PDE11A: variants seen among roughly 807,000 people sequenced by gnomAD.
PDE11A encodes the protein phosphodiesterase 11A, also known as dual 3',5'-cyclic-AMP and -GMP phosphodiesterase 11A.
Under a neutral mutation model 100.5 loss-of-function variants are expected in PDE11A, and 100 were observed. The ratio of observed to expected loss-of-function variants is 1.00; its 90% CI spans 0.85 to 1.18. The LOEUF (loss-of-function observed/expected upper bound fraction) is 1.18, where lower values mean the gene tolerates loss of function less well. Among genes scored for constraint, PDE11A ranks in the 50% most tolerant of loss-of-function variants. PDE11A has a pLI of 0.00. For synonymous variants in PDE11A, 381 were observed against 420.8 expected (o/e 0.91, Z 1.16); for missense variants, 1,141 against 1,152.6 (o/e 0.99, Z 0.15).
At chr2:178,067,530 G>T (rs1159222790) in intron 1 of PDE11A, among the ~76,000 whole-genome samples, 7 of 151,992 alleles carry the variant, frequency 4.6e-5, no homozygotes, top group Admixed American at 2.0e-4. Context: ...CTATTTTGTT[G>T]GACTTGGAAT....
intron 2 of PDE11A, among the ~76,000 whole-genome samples, chr2:177,979,464 T>A (rs1246353047): frequency 6.6e-6 from 1 of 150,456 alleles, no homozygotes; most frequent in African/African-American, 2.4e-5. Flanking sequence ...TGGTGGTTTG[T>A]CTATATAGCA....
intron 2 of PDE11A, among the ~76,000 whole-genome samples, chr2:177,914,807 A>C (rs926951867): frequency 3.9e-5 from 6 of 152,106 alleles, no homozygotes; most frequent in African/African-American, 1.4e-4. Context: ...ATACATTCAC[A>C]TTATTTCCTC....
chr2:177,905,181 G>C lies in PDE11A; in HGVS notation c.1078C>G (p.Gln360Glu). 6.3e-7 allele frequency: 1 copy of C among 1,580,276 alleles called. No homozygotes were observed. The highest frequency in any genetic ancestry group is 1.1e-5 in the South Asian group (1 of 90,488). ...PFTEDDEKVM[Q>E]MYLPFCGIAI... Reference sequence around the variant, plus strand: ...ATTCCACAAAATGGAAGATACATCTGCATAACCTGGGACAAAGAGAGTAGT... The same window carrying C: ...ATTCCACAAAATGGAAGATACATCTCCATAACCTGGGACAAAGAGAGTAGT... The change falls in exon 3 of 20, where the codon CAG (glutamine) becomes GAG (glutamate). Residue 360 changes from glutamine to glutamate, a missense_variant. Gln to Glu is a conservative substitution (Grantham distance 29). Transcript: ENST00000286063.
intron 1 of PDE11A, among the ~76,000 whole-genome samples, chr2:178,063,276 T>A (rs2086996310): frequency 1.3e-5 from 2 of 152,232 alleles, no homozygotes; most frequent in African/African-American, 4.8e-5. Flanking sequence ...AAGGATTTGA[T>A]CTCTTTACAT....
At chr2:177,675,735 C>T in intron 16 of PDE11A, 1 of 680,840 alleles carries the variant, frequency 1.5e-6, no homozygotes, top group Non-Finnish European at 2.8e-6. Context: ...CACACATCCT[C>T]TGGTGGCCCT....
At chr2:177,872,386 T>C (rs2084151850) in intron 5 of PDE11A, among the ~76,000 whole-genome samples, 1 of 152,184 alleles carries the variant, frequency 6.6e-6, no homozygotes, top group Non-Finnish European at 1.5e-5. Flanking sequence ...GCACACTTCA[T>C]GGAGGGAGAT....
intron 18 of PDE11A, among the ~76,000 whole-genome samples, chr2:177,667,806 T>C (rs1269526941): frequency 6.6e-6 from 1 of 152,196 alleles, no homozygotes; most frequent in African/African-American, 2.4e-5. Flanking sequence ...CAGGCTTTCC[T>C]AACTGACTCA....
chr2:178,058,877 A>C (rs965127393), intron 1 of PDE11A, among the ~76,000 whole-genome samples: 40 of 152,204 alleles, frequency 2.6e-4, no homozygotes, highest in African/African-American at 9.2e-4. Context: ...ATGAACTTCC[A>C]TGGAGAGTTT....
chr2:177,866,762 A>G (rs2084036722), intron 5 of PDE11A, among the ~76,000 whole-genome samples: 1 of 152,230 alleles, frequency 6.6e-6, no homozygotes, highest in African/African-American at 2.4e-5. Flanking sequence ...AATTCGAAGG[A>G]TAATATATGT....
At position 177,825,146 on chromosome 2, in the gene PDE11A, C is replaced by G. The variant is rs181371998; in HGVS notation, c.1501-4851G>C. Among the ~76,000 whole-genome samples, 351 of 152,130 alleles carry G rather than the reference C, an allele frequency of 2.3e-3. 1 individual carries two copies. Among genetic ancestry groups the G allele is most frequent in the East Asian group, 9.1e-3 (47 of 5,176 alleles). On this transcript the variant is annotated intron_variant, in intron 6 of 19. Transcript: ENST00000286063. ...TGGGATCATTGAAGGCAAAAATGGTCAAGGGAAGAAAGGATGTGATCAGGA... is the reference window on the plus strand; with the variant it reads ...TGGGATCATTGAAGGCAAAAATGGTGAAGGGAAGAAAGGATGTGATCAGGA...
intron 17 of PDE11A, among the ~76,000 whole-genome samples, chr2:177,674,137 G>A (rs1328876072): frequency 6.6e-6 from 1 of 152,186 alleles, no homozygotes; most frequent in South Asian, 2.1e-4. Flanking sequence ...AAGCTTTGGA[G>A]CCTAATCTGC....
intron 9 of PDE11A, among the ~76,000 whole-genome samples, chr2:177,785,772 T>C (rs1193384560): frequency 6.6e-6 from 1 of 151,782 alleles, no homozygotes; most frequent in East Asian, 1.9e-4. Flanking sequence ...GCCCATGGAG[T>C]CTCGCTGATT....
chr2:177,717,073 A>G lies in PDE11A; in HGVS notation c.2044-5195T>C, dbSNP rs532805251. 3.3e-5 allele frequency among the ~76,000 whole-genome samples: 5 copies of G among 152,328 alleles called. No homozygotes were observed. The South Asian group carries it at 1.0e-3, about 32-fold the overall frequency. The stretch of plus-strand genomic sequence containing the variant: ...CTAGAACATTTTCTATAATTTTATA[A>G]TATCAAAGACTATGGAGCCTATCTC... On this transcript the variant is annotated intron_variant, in intron 12 of 19. Coordinates refer to ENST00000286063, the MANE Select transcript of PDE11A (RefSeq NM_016953.4).
chr2:178,062,336 G>GAAA (rs11333080), intron 1 of PDE11A, among the ~76,000 whole-genome samples: 5 of 101,668 alleles, frequency 4.9e-5, no homozygotes, highest in Admixed American at 1.1e-4. Context: ...CCTGAAGACA[G>GAAA]AAAAAAAAAA....
intron 6 of PDE11A, among the ~76,000 whole-genome samples, chr2:177,826,110 T>C (rs2083222585): frequency 6.6e-6 from 1 of 152,226 alleles, no homozygotes; most frequent in South Asian, 2.1e-4. Flanking sequence ...GCAGCCTTTC[T>C]AGAAGGCAAC....
At chr2:178,004,234 C>T (rs1029680692) in intron 2 of PDE11A, among the ~76,000 whole-genome samples, 8 of 151,696 alleles carry the variant, frequency 5.3e-5, no homozygotes, top group African/African-American at 1.9e-4. Context: ...CTATAACAAG[C>T]TCATATTACT....
intron 14 of PDE11A, among the ~76,000 whole-genome samples, 153 bp from the exon 15 acceptor site, chr2:177,697,585 T>C (rs1332509730): frequency 1.3e-5 from 2 of 152,244 alleles, no homozygotes; most frequent in African/African-American, 4.8e-5. Context: ...ACAGATTCTC[T>C]GGCAAACCTA....
At chr2:178,006,046 C>T (rs1346041168) in intron 2 of PDE11A, among the ~76,000 whole-genome samples, 1 of 152,150 alleles carries the variant, frequency 6.6e-6, no homozygotes, top group Non-Finnish European at 1.5e-5. Context: ...AATCTACATG[C>T]ATACCAAGCA....
intron 2 of PDE11A, among the ~76,000 whole-genome samples, chr2:177,906,210 G>T (rs2084785627): frequency 6.6e-6 from 1 of 151,560 alleles, no homozygotes; most frequent in East Asian, 1.9e-4. Context: ...CGCACACAAT[G>T]GTGCCCTAGG....
Sources: allele counts gnomAD v4.1 joint callset (sites outside exome capture counted in the v4.1 genomes callset), GRCh38; gene constraint gnomAD v4.1.1; transcripts MANE v1.5; gene names NCBI Gene and HGNC (gene_info 2026-07-23, HGNC 2026-07-21).